Variants in DLC1 observed in about 807,000 individuals in gnomAD.
The protein encoded by DLC1 is DLC1 Rho GTPase activating protein.
A neutral mutation model predicts 140.3 loss-of-function variants in DLC1; 54 were observed. The observed-to-expected ratio is 0.38, with a 90% CI of 0.31 to 0.48. The LOEUF (loss-of-function observed/expected upper bound fraction) is 0.48. DLC1 is among the 20% of genes least tolerant of loss of function. DLC1 has a pLI of 0.96. For synonymous variants in DLC1, 986 were observed against 728.1 expected, an observed-to-expected ratio of 1.35 and a Z score of -5.70; for missense variants, 2,536 against 1,907.0, an observed-to-expected ratio of 1.33 and a Z score of -6.14.
At chr8:13,236,844 G>A (rs1829303836) in intron 5 of DLC1, among the ~76,000 whole-genome samples, 1 of 151,640 alleles carries the variant, frequency 6.6e-6, no homozygotes, top group African/African-American at 2.4e-5. Context: ...AGTGTTCAGT[G>A]CTAGAAAAAC....
intron 1 of DLC1, among the ~76,000 whole-genome samples, chr8:13,588,724 C>A (rs1021176990): frequency 6.6e-6 from 1 of 152,054 alleles, no homozygotes. Context: ...ACTATCTCAG[C>A]AGCTGTCTTC....
intron 1 of DLC1, chr8:13,604,459 A>C (rs1805982707): frequency 6.6e-6 from 1 of 152,214 alleles, no homozygotes; most frequent in African/African-American, 2.4e-5. Flanking sequence ...TTTAACATGC[A>C]AACTACTAAC....
intron 1 of DLC1, among the ~76,000 whole-genome samples, chr8:13,559,643 G>T (rs1481594): frequency 0.1 from 15,282 of 152,184 alleles, 1,101 homozygotes; most frequent in Non-Finnish European, 0.14. Context: ...TTGCAAAGAT[G>T]CTGAGTAGTG....
chr8:13,210,238 G>A (rs1827873982), intron 5 of DLC1, among the ~76,000 whole-genome samples: 1 of 152,126 alleles, frequency 6.6e-6, no homozygotes, highest in Admixed American at 6.5e-5. Context: ...GTTCTATCCT[G>A]TTCTTTTGTG....
chr8:13,507,807 C>G (rs1432543430), intron 1 of DLC1, among the ~76,000 whole-genome samples: 2 of 152,166 alleles, frequency 1.3e-5, no homozygotes, highest in African/African-American at 2.4e-5. Flanking sequence ...AATAAGTCAT[C>G]TATAATGAGC....
intron 1 of DLC1, among the ~76,000 whole-genome samples, chr8:13,577,873 C>T (rs928458612): frequency 5.3e-5 from 8 of 151,988 alleles, no homozygotes; most frequent in Admixed American, 5.2e-4. Flanking sequence ...TCACCCATGA[C>T]AATTGTTGCT....
chr8:13,237,939 CAAGAAAGAAAGAAAGAAA>C (rs1829366929), intron 5 of DLC1, among the ~76,000 whole-genome samples: 1 of 149,934 alleles, frequency 6.7e-6, no homozygotes, highest in Admixed American at 6.7e-5. Context: ...AGAGCAAGAG[CAAGAAAGAAAGAAAGAAA>C]AAGAAAGAAA....
chr8:13,280,504 A>T, intron 5 of DLC1, among the ~76,000 whole-genome samples: 1 of 152,014 alleles, frequency 6.6e-6, no homozygotes, highest in Non-Finnish European at 1.5e-5. Context: ...AGTCCCTAAT[A>T]TTTTCCATAT....
At chr8:13,103,359 TAC>T (rs1438955338) in intron 7 of DLC1, among the ~76,000 whole-genome samples, 2 of 150,604 alleles carry the variant, frequency 1.3e-5, no homozygotes, top group African/African-American at 4.9e-5. Flanking sequence ...AATAAATAAA[TAC>T]CTTTATGTTT....
rs570827017 is a variant in DLC1 at position 13,414,556 on chromosome 8, T to C, written c.1024-12937A>G. ...TGCACTGTTTCTTTTAGCTCAAAGATAGAAAAGAATAGCATTATGACCTTG... is the reference window on the plus strand; with the variant it reads ...TGCACTGTTTCTTTTAGCTCAAAGACAGAAAAGAATAGCATTATGACCTTG... On this transcript the variant is annotated intron_variant, in intron 2 of 17. Transcript: ENST00000276297. 4.6e-5 allele frequency among the ~76,000 whole-genome samples: 7 copies of C among 152,286 alleles called. No individual in the cohort carries two copies. The East Asian group carries it at 1.2e-3, about 25-fold the overall frequency.
At chr8:13,203,307 C>G (rs569039767) in intron 5 of DLC1, among the ~76,000 whole-genome samples, 1 of 152,158 alleles carries the variant, frequency 6.6e-6, no homozygotes, top group South Asian at 2.1e-4. Context: ...TGAATGATTT[C>G]TTTTTTCAAA....
chr8:13,333,875 C>G (rs1261974404), intron 4 of DLC1, among the ~76,000 whole-genome samples: 1 of 152,094 alleles, frequency 6.6e-6, no homozygotes. Context: ...TATTCAGACA[C>G]AGAAAATTTT....
chr8:13,399,740 T>C (rs1353726885), intron 3 of DLC1, among the ~76,000 whole-genome samples: 2 of 152,236 alleles, frequency 1.3e-5, no homozygotes, highest in African/African-American at 4.8e-5. Context: ...ACCTGTGCTT[T>C]AATTTATTTT....
At chr8:13,318,554 C>T (rs1286638740) in intron 4 of DLC1, among the ~76,000 whole-genome samples, 1 of 152,124 alleles carries the variant, frequency 6.6e-6, no homozygotes, top group Non-Finnish European at 1.5e-5. Flanking sequence ...TTTCTCTTTT[C>T]TGCACATATC....
At chr8:13,426,882 T>G (rs976745428) in intron 2 of DLC1, among the ~76,000 whole-genome samples, 2 of 152,182 alleles carry the variant, frequency 1.3e-5, no homozygotes, top group African/African-American at 2.4e-5. Context: ...ACCTCAAGAT[T>G]GCTTTCAATG....
chr8:13,184,536 C>G (rs575527050), intron 5 of DLC1, among the ~76,000 whole-genome samples: 1 of 152,284 alleles, frequency 6.6e-6, no homozygotes, highest in South Asian at 2.1e-4. Context: ...ATCTTTATTT[C>G]TGCCTTCATT....
chr8:13,322,912 T>C (rs1361363688), intron 4 of DLC1, among the ~76,000 whole-genome samples: 1 of 152,170 alleles, frequency 6.6e-6, no homozygotes, highest in Non-Finnish European at 1.5e-5. Context: ...GCACTGCAGA[T>C]TCCCTCTTGC....
At chr8:13,269,345 T>C (rs1830823211) in intron 5 of DLC1, among the ~76,000 whole-genome samples, 1 of 152,192 alleles carries the variant, frequency 6.6e-6, no homozygotes, top group Non-Finnish European at 1.5e-5. Flanking sequence ...GTCCTTGAGC[T>C]ACAGGGAAGA....
At chr8:13,507,800 A>G (rs1383148970) in intron 1 of DLC1, among the ~76,000 whole-genome samples, 16 of 152,186 alleles carry the variant, frequency 1.1e-4, no homozygotes, top group Non-Finnish European at 1.5e-5. Flanking sequence ...ATTAAAGAAT[A>G]AGTCATCTAT....
Sources: allele counts gnomAD v4.1 joint callset (sites outside exome capture counted in the v4.1 genomes callset), GRCh38; gene constraint gnomAD v4.1.1; transcripts MANE v1.5; gene names NCBI Gene and HGNC (gene_info 2026-07-23, HGNC 2026-07-21).